The following TTC7A variants were observed in gnomAD, a reference collection of about 807,000 sequenced individuals.
TTC7A encodes the protein tetratricopeptide repeat protein 7A.
A neutral mutation model predicts 103.7 loss-of-function variants in TTC7A; 110 were observed. The observed-to-expected ratio is 1.06, with a 90% CI of 0.91 to 1.24. TTC7A has a LOEUF of 1.24. Ranked by LOEUF, TTC7A falls within the 50% of genes most tolerant of loss-of-function variation. The pLI, the probability that TTC7A is intolerant of heterozygous loss-of-function variation, is 0.00. For synonymous variants in TTC7A, 521 were observed against 467.9 expected, an observed-to-expected ratio of 1.11 and a Z score of -1.47; for missense variants, 1,340 against 1,116.3, an observed-to-expected ratio of 1.20 and a Z score of -2.86.
intron 15 of TTC7A, among the ~76,000 whole-genome samples, chr2:47,043,303 C>T (rs1365928718): frequency 6.6e-6 from 1 of 152,154 alleles, no homozygotes; most frequent in Non-Finnish European, 1.5e-5. Context: ...ATCCTGACAT[C>T]AGGAAGGCTG....
At chr2:47,016,458 G>A (rs1170861697) in intron 11 of TTC7A, among the ~76,000 whole-genome samples, 1 of 152,232 alleles carries the variant, frequency 6.6e-6, no homozygotes, top group Non-Finnish European at 1.5e-5. Flanking sequence ...CTGTGGTGCT[G>A]TGAAAATGCC....
intron 19 of TTC7A, among the ~76,000 whole-genome samples, chr2:47,070,680 C>A (rs576124367): frequency 6.6e-5 from 10 of 152,076 alleles, no homozygotes; most frequent in Non-Finnish European, 1.2e-4. Flanking sequence ...GATGTGGCCA[C>A]ACATCCCCAC....
At chr2:47,027,933 T>A (rs930816681) in intron 14 of TTC7A, among the ~76,000 whole-genome samples, 3 of 152,170 alleles carry the variant, frequency 2.0e-5, no homozygotes, top group African/African-American at 7.2e-5. Flanking sequence ...CCTTAATGCT[T>A]GTGGAAACAT....
chr2:47,005,914 A>C lies in TTC7A; in HGVS notation c.1066-8A>C. The C allele has an allele frequency of 6.2e-7, 1 of 1,614,068 alleles. No individual in the cohort carries two copies. Among genetic ancestry groups the C allele is most frequent in the Non-Finnish European group, 8.5e-7 (1 of 1,180,014 alleles). On this transcript the variant is annotated splice_polypyrimidine_tract_variant and splice_region_variant and intron_variant, in intron 8 of 19. Coordinates refer to ENST00000319190, the MANE Select transcript of TTC7A (RefSeq NM_020458.4). The stretch of plus-strand genomic sequence containing the variant: ...CTCACTCTTTCCCAAACAATGTCCC[A>C]CCCACAGGCAACTCGAGATGTGGTG...
intron 3 of TTC7A, among the ~76,000 whole-genome samples, chr2:46,963,519 G>C (rs1672571116): frequency 6.6e-6 from 1 of 152,164 alleles, no homozygotes; most frequent in African/African-American, 2.4e-5. Context: ...TGCCCCACCT[G>C]ACCTCAGCCC....
At chr2:47,026,456 T>C (rs1364286189) in intron 14 of TTC7A, among the ~76,000 whole-genome samples, 2 of 152,130 alleles carry the variant, frequency 1.3e-5, no homozygotes, top group African/African-American at 4.8e-5. Flanking sequence ...GAGGCCAGGC[T>C]GGAGACCAAC....
At chr2:46,916,088 A>G (rs1053934863), upstream of TTC7A, 17 of 985,504 alleles carry the variant, frequency 1.7e-5, no homozygotes, top group Non-Finnish European at 2.0e-5. Flanking sequence ...ACGTAGTTCC[A>G]CGGGCGACGT....
chr2:47,048,064 C>A (rs1239591785), intron 16 of TTC7A, among the ~76,000 whole-genome samples: 4 of 152,158 alleles, frequency 2.6e-5, no homozygotes, highest in Admixed American at 1.3e-4. Context: ...AACTCCCTGA[C>A]CCCCTTCCTC....
chr2:46,996,950 A>T (rs6544950), intron 8 of TTC7A, among the ~76,000 whole-genome samples: 1 of 151,726 alleles, frequency 6.6e-6, no homozygotes, highest in Non-Finnish European at 1.5e-5. Flanking sequence ...GGAAACACAG[A>T]GTTTTTTTTG....
chr2:47,002,284 TG>T (rs1379767436), intron 8 of TTC7A, among the ~76,000 whole-genome samples: 1 of 152,012 alleles, frequency 6.6e-6, no homozygotes, highest in Non-Finnish European at 1.5e-5. Flanking sequence ...GGGGTGGGTG[TG>T]GGGGTTATGG....
In TTC7A at chr2:47,006,646, G is replaced by A. The variant is rs371480526; in HGVS notation, c.1209G>A (p.Leu403=). The A allele has an allele frequency of 1.7e-5, 28 of 1,613,964 alleles. No individual in the cohort carries two copies. In the South Asian group the frequency reaches 3.1e-4, roughly 18 times the overall value. The change falls in exon 10 of 20, where the codon CTG becomes CTA. Residue 403 remains leucine, a synonymous_variant. Transcript: ENST00000319190. ...TGACTATCTCCCCTCCCCAGTGCCT[G>A]GAGCGAGCCATGAAGTTTGCGTTTG... The part of the protein sequence containing the change: ...RGQYVMLSEC[L]ERAMKFAFGE...
At chr2:47,035,553 GTCA>G (rs1266113096) in intron 15 of TTC7A, 1 of 152,226 alleles carries the variant, frequency 6.6e-6, no homozygotes, top group African/African-American at 2.4e-5. Context: ...AAAGTTGATG[GTCA>G]TCATTCTCCA....
At chr2:47,047,429 C>G in intron 16 of TTC7A, 1 of 797,448 alleles carries the variant, frequency 1.3e-6, no homozygotes, top group Non-Finnish European at 2.0e-6. Context: ...TGGGCGGAAG[C>G]TGCCAGAAGG....
intron 1 of TTC7A, among the ~76,000 whole-genome samples, chr2:46,947,770 A>G (rs1671057901): frequency 6.6e-6 from 1 of 152,216 alleles, no homozygotes; most frequent in East Asian, 1.9e-4. Context: ...ATAAAAATGA[A>G]TTGCTAGAAA....
In TTC7A at chr2:46,992,838, G is replaced by A. The variant is rs545206152; in HGVS notation, c.765-612G>A. Among the ~76,000 whole-genome samples the A allele has an allele frequency of 1.5e-3, 223 of 152,352 alleles. 1 individual carries two copies. Among genetic ancestry groups the A allele is most frequent in the Middle Eastern group, 0.01 (3 of 294 alleles). ...ACATAGGAGAGATGGGTATTTTGTC[G>A]AGAAACTTCGGTTTTATGTCAGGGA... On this transcript the variant is annotated intron_variant, in intron 5 of 19. Coordinates refer to ENST00000319190, the MANE Select transcript of TTC7A (RefSeq NM_020458.4).
chr2:47,005,839 G>T, intron 8 of TTC7A, 83 bp from the exon 9 acceptor site: 1 of 1,523,480 alleles, frequency 6.6e-7, no homozygotes, highest in Non-Finnish European at 9.0e-7. Flanking sequence ...TAGCGGCTGG[G>T]CCAGCAAGGT....
chr2:47,023,294 G>C lies in TTC7A; in HGVS notation c.1511-114G>C, dbSNP rs2304292. The C allele has an allele frequency of 4.3e-4, 485 of 1,120,206 alleles. 5 individuals carry two copies. In the East Asian group the frequency reaches 0.011, roughly 25 times the overall value. 69.4% of individuals were successfully genotyped at this position (1,120,206 alleles called of 1,614,324 possible). On this transcript the variant is annotated intron_variant, in intron 12 of 19. Transcript: ENST00000319190. ...TGCTGGAGTTTGAAGTTTGCCAGAT[G>C]GGACCCTGGTGGGGCCTTTATCTGC...
At chr2:46,959,870 T>C (rs1672219593) in intron 3 of TTC7A, among the ~76,000 whole-genome samples, 1 of 152,292 alleles carries the variant, frequency 6.6e-6, no homozygotes, top group Admixed American at 6.5e-5. Context: ...TTTGTGTATA[T>C]AAGGTGTGGG....
Position 47,053,530 on chromosome 2 carries a change from T to TTTTGTTTGTTTG in TTC7A, c.2152+1655_2152+1666dup, listed in dbSNP as rs748315468. ...TGGTGGGCGGGTTTTTGGTGGGTTT[T>TTTTGTTTGTTTG]TTTGTTTGTTTGTTTGGTTGGTTGG... On this transcript the variant is annotated intron_variant, in intron 18 of 19. Transcript: ENST00000319190. Among the ~76,000 whole-genome samples, 70 of 138,846 alleles carry TTTTGTTTGTTTG rather than the reference T, an allele frequency of 5.0e-4. 1 individual carries two copies. The Middle Eastern group carries it at 0.029, about 57-fold the overall frequency. 91.1% of individuals were successfully genotyped at this position (138,846 alleles called of 152,430 possible).
Sources: gnomAD v4.1 joint callset for allele counts (sites outside exome capture counted in the v4.1 genomes callset) on GRCh38, gnomAD v4.1.1 for gene constraint, MANE v1.5 for transcripts, NCBI Gene and HGNC (gene_info 2026-07-23, HGNC 2026-07-21) for gene names.